The following EIF4E variants were observed in gnomAD, a reference collection of about 807,000 sequenced individuals.
The protein encoded by EIF4E is eIF-4F 25 kDa subunit.
For synonymous variants in EIF4E, 71 were observed against 88.5 expected (o/e 0.80, Z 1.11); for missense variants, 113 against 265.6 (o/e 0.43, Z 3.99).
chr4:98,901,902 G>A lies in EIF4E; in HGVS notation c.99C>T (p.His33=), dbSNP rs780066971. 3.1e-6 allele frequency: 5 copies of A among 1,612,364 alleles called. No homozygotes were observed. Among genetic ancestry groups the A allele is most frequent in the Non-Finnish European group, 4.2e-6 (5 of 1,179,844 alleles). ...TGTTCTGTAGGGGATGTTTAATATA[G>A]TGTTCTGGGTTAGCAACCTCCTGAT... The part of the protein sequence containing the change: ...ESNQEVANPE[H]YIKHPLQNRW... The change falls in exon 2 of 7, where the codon CAC becomes CAT. Residue 33 remains histidine (H), a synonymous_variant. Transcript: ENST00000450253.
chr4:98,910,436 A>T (rs1725073110), intron 1 of EIF4E, among the ~76,000 whole-genome samples: 1 of 152,242 alleles, frequency 6.6e-6, no homozygotes, highest in African/African-American at 2.4e-5. Context: ...AAAAATCACT[A>T]GTAACTGGAT....
intron 1 of EIF4E, among the ~76,000 whole-genome samples, chr4:98,905,785 T>C (rs549059287): frequency 6.6e-6 from 1 of 152,190 alleles, no homozygotes; most frequent in African/African-American, 2.4e-5. Context: ...CAAGAGAAAG[T>C]TGAAAGCGAA....
chr4:98,925,503 A>G (rs866375525), intron 1 of EIF4E, among the ~76,000 whole-genome samples: 1 of 152,206 alleles, frequency 6.6e-6, no homozygotes, highest in Non-Finnish European at 1.5e-5. Context: ...CCTAACGTTC[A>G]AATTTTTGCC....
At chr4:98,898,546 C>A (rs1724515810) in intron 2 of EIF4E, among the ~76,000 whole-genome samples, 1 of 151,340 alleles carries the variant, frequency 6.6e-6, no homozygotes, top group African/African-American at 2.4e-5. Flanking sequence ...AGGTGGAGGT[C>A]CAGCCTGGGC....
chr4:98,917,135 A>ACACACACACAC (rs1560652727), intron 1 of EIF4E, among the ~76,000 whole-genome samples: 2 of 29,316 alleles, frequency 6.8e-5, no homozygotes, highest in African/African-American at 2.4e-4. Flanking sequence ...CACACACACA[A>ACACACACACAC]AAAAAACCCA....
chr4:98,880,189 A>G lies in EIF4E; in HGVS notation c.*839T>C, dbSNP rs1357565145. On this transcript the variant is annotated 3_prime_UTR_variant, in exon 7 of 7. Coordinates refer to ENST00000450253, the MANE Select transcript of EIF4E (RefSeq NM_001968.5). ...AACCTAAGTAATACAAAGTGTTAAA[A>G]TACAGCATAAAGATACAAAAACAGA... The G allele has an allele frequency of 1.3e-5, 2 of 151,476 alleles. No homozygotes were observed. 9.4% of individuals were successfully genotyped at this position (151,476 alleles called of 1,614,324 possible).
chr4:98,921,298 T>C (rs1169680519), intron 1 of EIF4E, among the ~76,000 whole-genome samples: 1 of 152,226 alleles, frequency 6.6e-6, no homozygotes, highest in East Asian at 1.9e-4. Context: ...AACATAGGCT[T>C]ACTGCCCCAT....
Position 98,887,824 on chromosome 4 carries a change from T to C in EIF4E, c.285+65A>G. On this transcript the variant is annotated intron_variant, in intron 4 of 6. Coordinates refer to ENST00000450253, the MANE Select transcript of EIF4E (RefSeq NM_001968.5). The surrounding 1 kb of genome is among the most constrained non-coding windows in gnomAD (Gnocchi z 4.0). The stretch of plus-strand genomic sequence containing the variant: ...AAATATTCCTAAGTTTATGGTAAGA[T>C]TTCTTAATGAATACCAAATGGCCCA... The C allele has an allele frequency of 7.0e-7, 1 of 1,433,134 alleles. No individual in the cohort carries two copies. Among genetic ancestry groups the C allele is most frequent in the African/African-American group, 1.4e-5 (1 of 70,678 alleles). The allele number at this position is 1,433,134 out of a possible 1,614,324, so 88.8% of individuals were successfully genotyped here.
intron 2 of EIF4E, among the ~76,000 whole-genome samples, chr4:98,896,212 A>ATAAAC (rs1724378734): frequency 6.6e-6 from 1 of 151,638 alleles, no homozygotes; most frequent in African/African-American, 2.4e-5. Context: ...ATAAAATAAA[A>ATAAAC]TAAAATAAAA....
chr4:98,911,113 G>A (rs999829896), intron 1 of EIF4E, among the ~76,000 whole-genome samples: 3 of 151,226 alleles, frequency 2.0e-5, no homozygotes, highest in Non-Finnish European at 4.4e-5. Context: ...GCAGTGGCGC[G>A]ATCTCGGCTC....
At chr4:98,924,338 AAG>A (rs1302458760) in intron 1 of EIF4E, among the ~76,000 whole-genome samples, 3 of 152,128 alleles carry the variant, frequency 2.0e-5, no homozygotes, top group Non-Finnish European at 4.4e-5. Flanking sequence ...CGGCCTCCCA[AAG>A]TGCTGGGATT....
intron 1 of EIF4E, 128 bp from the exon 2 acceptor site, chr4:98,902,110 C>T (rs1724679281): frequency 1.0e-5 from 8 of 796,790 alleles, no homozygotes; most frequent in Non-Finnish European, 1.6e-5. Context: ...TCTCTGTTGC[C>T]CAGGCTGGAG....
chr4:98,907,028 G>A (rs1223945079), intron 1 of EIF4E, among the ~76,000 whole-genome samples: 1 of 152,154 alleles, frequency 6.6e-6, no homozygotes, highest in East Asian at 1.9e-4. Flanking sequence ...AGCTAAAAAT[G>A]TTAAGTGAAT....
chr4:98,881,007 G>C lies in EIF4E; in HGVS notation c.*21C>G. ...GATTGCTTGACGCAGTCTCCTATGA[G>C]AATACTCAGAAGGTGTCTTCTTAAA... On this transcript the variant is annotated 3_prime_UTR_variant, in exon 7 of 7. Transcript: ENST00000450253. 11 of 1,598,774 alleles carry C rather than the reference G, an allele frequency of 6.9e-6. No individual in the cohort carries two copies. The highest frequency in any genetic ancestry group is 9.4e-6 in the Non-Finnish European group (11 of 1,172,950).
At chr4:98,922,361 G>GCCT (rs1221273011) in intron 1 of EIF4E, among the ~76,000 whole-genome samples, 1 of 152,070 alleles carries the variant, frequency 6.6e-6, no homozygotes, top group Non-Finnish European at 1.5e-5. Context: ...TTCGAGACCA[G>GCCT]CCTGGCCAAT....
intron 1 of EIF4E, among the ~76,000 whole-genome samples, chr4:98,922,024 T>C (rs1460358802): frequency 6.6e-6 from 1 of 152,204 alleles, no homozygotes; most frequent in Non-Finnish European, 1.5e-5. Flanking sequence ...TAAAAATAAA[T>C]GCCCACACGT....
At position 98,887,202 on chromosome 4, in the gene EIF4E, T is replaced by C. The variant is rs2110179807; in HGVS notation, c.286-10A>G. 1 of 1,612,926 alleles carries C rather than the reference T, an allele frequency of 6.2e-7. No individual in the cohort carries two copies. Among genetic ancestry groups the C allele is most frequent in the East Asian group, 2.2e-5 (1 of 44,856 alleles). On this transcript the variant is annotated splice_polypyrimidine_tract_variant and intron_variant, in intron 4 of 6. Coordinates refer to ENST00000450253, the MANE Select transcript of EIF4E (RefSeq NM_001968.5). The surrounding 1 kb of genome is among the most constrained non-coding windows in gnomAD (Gnocchi z 4.0). Reference sequence around the variant, plus strand: ...TAGGCTCAATACCATCCTACAGGGTTAGAAGACAACAGTATTACACAACAT... The same window carrying C: ...TAGGCTCAATACCATCCTACAGGGTCAGAAGACAACAGTATTACACAACAT...
In EIF4E at chr4:98,918,978, A is replaced by T. The variant is rs979190269; in HGVS notation, c.18+10117T>A. Among the ~76,000 whole-genome samples the T allele has an allele frequency of 2.0e-5, 3 of 152,168 alleles. No homozygotes were observed. The South Asian group carries it at 6.2e-4, about 31-fold the overall frequency. On this transcript the variant is annotated intron_variant, in intron 1 of 6. Coordinates refer to ENST00000450253, the MANE Select transcript of EIF4E (RefSeq NM_001968.5). The stretch of plus-strand genomic sequence containing the variant: ...TTTGCATAAAACTTGAGTTTTGAAC[A>T]CTGTAAAGTACTGTCTATTTACACA...
At chr4:98,894,380 T>C (rs13109000) in intron 2 of EIF4E, among the ~76,000 whole-genome samples, 6,077 of 151,844 alleles carry the variant, frequency 0.04, 4 homozygotes, top group Non-Finnish European at 0.064. Flanking sequence ...TAGAAGGCTG[T>C]TTCGTTTACA....
Sources: gnomAD v4.1 joint callset for allele counts (sites outside exome capture counted in the v4.1 genomes callset) on GRCh38, gnomAD v4.1.1 for gene constraint, Gnocchi (gnomAD v3.1) non-coding constraint, MANE v1.5 for transcripts, NCBI Gene and HGNC (gene_info 2026-07-23, HGNC 2026-07-21) for gene names.